Variants in PPP1R21 observed in about 807,000 individuals in gnomAD.
The protein encoded by PPP1R21 is protein phosphatase 1 regulatory subunit 21, also known as KLRAQ motif containing 1.
A neutral mutation model predicts 112.8 loss-of-function variants in PPP1R21; 85 were observed. That is an observed-to-expected ratio of 0.75 (90% confidence interval 0.63 to 0.90). The LOEUF (loss-of-function observed/expected upper bound fraction) is 0.90, where lower values mean the gene tolerates loss of function less well. Ranked by LOEUF, PPP1R21 falls within the 40% of genes least tolerant of loss-of-function variation. The probability of loss-of-function intolerance (pLI) is 0.00; values close to 1 mark genes in which losing one functional copy is unlikely to be tolerated. For synonymous variants in PPP1R21, 381 were observed against 322.3 expected (o/e 1.18, Z -1.95); for missense variants, 1,199 against 901.5 (o/e 1.33, Z -4.23).
intron 14 of PPP1R21, among the ~76,000 whole-genome samples, chr2:48,487,808 C>T (rs1248756642): frequency 2.0e-5 from 3 of 151,134 alleles, no homozygotes; most frequent in Non-Finnish European, 2.9e-5. Flanking sequence ...ATTCCTGTTT[C>T]AGCAGAAGTT....
intron 13 of PPP1R21, among the ~76,000 whole-genome samples, chr2:48,482,929 C>T (rs1367137950): frequency 2.6e-5 from 4 of 152,020 alleles, no homozygotes; most frequent in African/African-American, 9.7e-5. Flanking sequence ...GATGCTATCC[C>T]TCCTCCCATC....
At chr2:48,448,741 T>G (rs549654048) in intron 1 of PPP1R21, among the ~76,000 whole-genome samples, 1 of 152,364 alleles carries the variant, frequency 6.6e-6, no homozygotes, top group Non-Finnish European at 1.5e-5. Flanking sequence ...AGTAGAACAC[T>G]ACATCATGGA....
chr2:48,464,207 C>T (rs965146319), intron 7 of PPP1R21, among the ~76,000 whole-genome samples: 6 of 152,098 alleles, frequency 3.9e-5, no homozygotes, highest in Non-Finnish European at 8.8e-5. Flanking sequence ...ATGTATAGCC[C>T]AGTGAGTAGC....
chr2:48,491,072 G>A lies in PPP1R21; in HGVS notation c.1501G>A (p.Gly501Arg). 6.2e-7 allele frequency: 1 copy of A among 1,614,054 alleles called. No homozygotes were observed. The highest frequency in any genetic ancestry group is 1.1e-5 in the South Asian group (1 of 91,070). The part of the protein sequence containing the change: ...LDYFIASLSY[G>R]PKAASGFISP... ...CTACTTCATTGCTTCACTGAGCTAT[G>A]GACCTAAGGCAGCGAGTGGATTCAT... The change falls in exon 15 of 22, where the codon GGA (glycine) becomes AGA (arginine). Residue 501 changes from glycine to arginine, a missense_variant. Coordinates refer to ENST00000294952, the MANE Select transcript of PPP1R21 (RefSeq NM_001135629.3).
rs1668930999 is a variant in PPP1R21, at chr2:48,479,908, G to C, written c.1226-16G>C. The C allele has an allele frequency of 1.1e-5, 17 of 1,528,170 alleles. No homozygotes were observed. The highest frequency in any genetic ancestry group is 1.5e-5 in the Non-Finnish European group (17 of 1,102,040). The allele number at this position is 1,528,170 out of a possible 1,614,324, so 94.7% of individuals were successfully genotyped here. On this transcript the variant is annotated splice_polypyrimidine_tract_variant and intron_variant, in intron 12 of 21. Transcript: ENST00000294952. ...TTTTCAGGAAAATGCTTAGATTTGT[G>C]ATTTTGATTTCCTAGGTACAGAGCC... is the stretch of plus-strand genomic sequence containing the variant.
Position 48,507,253 on chromosome 2 carries a change from T to C in PPP1R21, c.1969-16T>C. ...ACTGGTACTTGTTTATTTATGTGTA[T>C]TTGTGTTCTATTTAGGTTCCAGATG... On this transcript the variant is annotated splice_polypyrimidine_tract_variant and intron_variant, in intron 18 of 21. Coordinates refer to ENST00000294952, the MANE Select transcript of PPP1R21 (RefSeq NM_001135629.3). 2 of 1,528,420 alleles carry C rather than the reference T, an allele frequency of 1.3e-6. No homozygotes were observed. The highest frequency in any genetic ancestry group is 8.7e-7 in the Non-Finnish European group (1 of 1,147,948). The allele number at this position is 1,528,420 out of a possible 1,614,324, so 94.7% of individuals were successfully genotyped here.
chr2:48,458,917 C>T (rs865970315), intron 4 of PPP1R21, among the ~76,000 whole-genome samples: 4 of 151,644 alleles, frequency 2.6e-5, no homozygotes, highest in Non-Finnish European at 4.4e-5. Context: ...ACGGTGAAAC[C>T]CCTTCTCTAG....
At chr2:48,462,919 A>C (rs1182029531) in intron 7 of PPP1R21, among the ~76,000 whole-genome samples, 1 of 152,062 alleles carries the variant, frequency 6.6e-6, no homozygotes, top group Non-Finnish European at 1.5e-5. Flanking sequence ...GTGGAAGGAG[A>C]GGGAGCAGAC....
chr2:48,505,912 C>T (rs997851362), intron 18 of PPP1R21, among the ~76,000 whole-genome samples: 9 of 152,110 alleles, frequency 5.9e-5, no homozygotes, highest in African/African-American at 4.8e-5. Flanking sequence ...GGCTGAGAGC[C>T]GTGTTAGTCC....
intron 18 of PPP1R21, 63 bp from the exon 19 acceptor site, chr2:48,507,206 T>C (rs554429447): frequency 1.4e-6 from 2 of 1,385,584 alleles, no homozygotes; most frequent in African/African-American, 3.0e-5. Context: ...TTTTTTTTTT[T>C]TTTCTAGAAA....
rs765084748 is a variant in PPP1R21, at chr2:48,507,350, C to T, written c.2050C>T (p.Leu684=). The change falls in exon 19 of 22, where the codon CTG becomes TTG. Residue 684 remains leucine, a synonymous_variant. Coordinates refer to ENST00000294952, the MANE Select transcript of PPP1R21 (RefSeq NM_001135629.3). The stretch of plus-strand genomic sequence containing the variant: ...AGTGGAACTTACGTCTCAGTTGCAG[C>T]TGGCTGACAGTAAGTCAGTGCATTT... ...RIVELTSQLQ[L]ADSKSVHFYA... The T allele has an allele frequency of 1.9e-5, 30 of 1,595,906 alleles. No individual in the cohort carries two copies. The highest frequency in any genetic ancestry group is 1.7e-4 in the South Asian group (15 of 87,510).
intron 17 of PPP1R21, among the ~76,000 whole-genome samples, chr2:48,501,629 A>G (rs1410563778): frequency 3.3e-5 from 5 of 152,186 alleles, no homozygotes; most frequent in Non-Finnish European, 7.3e-5. Flanking sequence ...GATCCATGTC[A>G]GAAAACAGAA....
chr2:48,505,467 T>C, intron 17 of PPP1R21, 97 bp from the exon 18 acceptor site: 1 of 885,294 alleles, frequency 1.1e-6, no homozygotes, highest in South Asian at 1.5e-5. Context: ...CCCTCAATGC[T>C]CTGTGAACGG....
intron 21 of PPP1R21, among the ~76,000 whole-genome samples, chr2:48,513,992 T>G (rs1286501572): frequency 1.3e-5 from 2 of 152,084 alleles, no homozygotes; most frequent in African/African-American, 4.8e-5. Context: ...GTTTGGGTGT[T>G]AGTTAGCACA....
chr2:48,469,487 GCATATATATATAT>G (rs1668393949), intron 9 of PPP1R21, among the ~76,000 whole-genome samples: 1 of 35,560 alleles, frequency 2.8e-5, no homozygotes, highest in African/African-American at 1.5e-4. Flanking sequence ...TATATATAGA[GCATATATATATAT>G]ATATAGAGCA....
intron 12 of PPP1R21, 28 bp from the exon 13 acceptor site, chr2:48,479,896 G>C: frequency 7.2e-7 from 1 of 1,397,990 alleles, no homozygotes; most frequent in Non-Finnish European, 1.0e-6. Flanking sequence ...TCAGGAAAAT[G>C]CTTAGATTTG....
intron 1 of PPP1R21, among the ~76,000 whole-genome samples, chr2:48,443,851 TC>T (rs3841074): frequency 0.21 from 32,348 of 152,166 alleles, 4,279 homozygotes; most frequent in Middle Eastern, 0.4. Context: ...GCATAATTTT[TC>T]TGCCTTATTT....
intron 7 of PPP1R21, among the ~76,000 whole-genome samples, chr2:48,463,198 G>C (rs1021915658): frequency 6.6e-6 from 1 of 152,070 alleles, no homozygotes; most frequent in Admixed American, 6.5e-5. Context: ...AGTGGTGGGT[G>C]CACAGTGCAG....
At chr2:48,471,465 C>A in intron 11 of PPP1R21, 98 bp downstream of exon 11, 1 of 1,194,132 alleles carries the variant, frequency 8.4e-7, no homozygotes, top group Non-Finnish European at 1.2e-6. Context: ...TTGTGATCTG[C>A]CTGACTTTTC....
Sources: allele counts gnomAD v4.1 joint callset (sites outside exome capture counted in the v4.1 genomes callset), GRCh38; gene constraint gnomAD v4.1.1; transcripts MANE v1.5; gene names NCBI Gene and HGNC (gene_info 2026-07-23, HGNC 2026-07-21).